The following CRIPT variants were observed in gnomAD, a reference collection of about 807,000 sequenced individuals.
The protein encoded by CRIPT is cysteine-rich PDZ-binding protein.
In CRIPT, 20 loss-of-function variants were observed where a neutral mutation model predicts 16.6. The ratio of observed to expected loss-of-function variants is 1.20; its 90% CI spans 0.85 to 1.75. The LOEUF is 1.75. CRIPT is among the 40% of genes most tolerant of loss of function. The pLI is 0.00. For synonymous variants in CRIPT, 42 were observed against 37.0 expected (o/e 1.14, Z -0.49); for missense variants, 133 against 115.3 (o/e 1.15, Z -0.70).
chr2:46,627,253 C>T lies in CRIPT; in HGVS notation c.*3026C>T, dbSNP rs372720383. Among the ~76,000 whole-genome samples the T allele has an allele frequency of 7.9e-5, 12 of 152,218 alleles. No homozygotes were observed. Among genetic ancestry groups the T allele is most frequent in the African/African-American group, 2.9e-4 (12 of 41,534 alleles). On this transcript the variant is annotated 3_prime_UTR_variant, in exon 5 of 5. Coordinates refer to ENST00000238892, the MANE Select transcript of CRIPT (RefSeq NM_014171.6). ...TCCCATTCTGTAGGTTGTCTGTTTA[C>T]TGTATTGATAGTTCCTTTTGCGGTG...
In CRIPT at chr2:46,629,603, T is replaced by A. The variant is rs908948329; in HGVS notation, c.*5376T>A. Among the ~76,000 whole-genome samples, 6 of 152,162 alleles carry A rather than the reference T, an allele frequency of 3.9e-5. No individual in the cohort carries two copies. The highest frequency in any genetic ancestry group is 1.4e-4 in the African/African-American group (6 of 41,440). ...GATAGAGTATCCTTCTATTTGGGTT[T>A]TTCTGATGTTTCCTCATGGTTAGAT... On this transcript the variant is annotated 3_prime_UTR_variant, in exon 5 of 5. Coordinates refer to ENST00000238892, the MANE Select transcript of CRIPT (RefSeq NM_014171.6).
In CRIPT at chr2:46,625,073, T is replaced by G. The variant is rs966181557; in HGVS notation, c.*846T>G. On this transcript the variant is annotated 3_prime_UTR_variant, in exon 5 of 5. Transcript: ENST00000238892. ...CTCTCCCTTTTTAAAATTTGTTTGT[T>G]TTTTTTTTTTTTTTTTGGATACAAG... The G allele has an allele frequency of 1.4e-5, 2 of 145,214 alleles. No homozygotes were observed. The highest frequency in any genetic ancestry group is 2.6e-5 in the African/African-American group (1 of 39,198). The allele number at this position is 145,214 out of a possible 1,614,324, so 9.0% of individuals were successfully genotyped here. A position where few individuals can be genotyped will look rare whatever the true frequency, so the allele number is the denominator to read the frequency against.
chr2:46,628,652 G>C lies in CRIPT; in HGVS notation c.*4425G>C, dbSNP rs1468332226. 6.6e-6 allele frequency among the ~76,000 whole-genome samples: 1 copy of C among 152,154 alleles called. No homozygotes were observed. Among genetic ancestry groups the C allele is most frequent in the Non-Finnish European group, 1.5e-5 (1 of 68,034 alleles). The stretch of plus-strand genomic sequence containing the variant: ...CCTCCTTCCATGAATGGATCATCCA[G>C]TGGCCGCACTTAGGTTCTCCTATGA... On this transcript the variant is annotated 3_prime_UTR_variant, in exon 5 of 5. Coordinates refer to ENST00000238892, the MANE Select transcript of CRIPT (RefSeq NM_014171.6).
intron 1 of CRIPT, 147 bp from the exon 2 acceptor site, chr2:46,618,626 T>A: frequency 2.1e-6 from 1 of 486,680 alleles, no homozygotes; most frequent in Non-Finnish European, 3.7e-6. Flanking sequence ...TTAATATGAG[T>A]CTCAGTTGAT....
Position 46,625,687 on chromosome 2 carries a change from A to T in CRIPT, c.*1460A>T, listed in dbSNP as rs557951023. The T allele has an allele frequency of 6.6e-6, 1 of 152,154 alleles. No homozygotes were observed. Among genetic ancestry groups the T allele is most frequent in the Non-Finnish European group, 1.5e-5 (1 of 68,024 alleles). 9.4% of individuals were successfully genotyped at this position (152,154 alleles called of 1,614,324 possible). ...CTGAGATACATTGTTATTTATTCAT[A>T]TCCAGAAAAATTACAAGGATAATAC... On this transcript the variant is annotated 3_prime_UTR_variant, in exon 5 of 5. Transcript: ENST00000238892.
chr2:46,621,944 A>G (rs1670814773), intron 3 of CRIPT, among the ~76,000 whole-genome samples: 1 of 152,212 alleles, frequency 6.6e-6, no homozygotes, highest in Non-Finnish European at 1.5e-5. Context: ...CTCTGATATC[A>G]TTAAAAAGTA....
intron 3 of CRIPT, 83 bp downstream of exon 3, chr2:46,619,764 A>G (rs867583297): frequency 2.9e-6 from 3 of 1,049,306 alleles, no homozygotes; most frequent in African/African-American, 1.6e-5. Flanking sequence ...GATGTGCATC[A>G]TTCCATTTGC....
chr2:46,623,092 G>A (rs1299650816), intron 3 of CRIPT, among the ~76,000 whole-genome samples: 1 of 151,992 alleles, frequency 6.6e-6, no homozygotes, highest in Admixed American at 6.6e-5. Flanking sequence ...GATTGAGTCA[G>A]TTAATTAAAA....
rs1419062011 is a variant in CRIPT at position 46,630,036 on chromosome 2, G to T, written c.*5809G>T. Among the ~76,000 whole-genome samples the T allele has an allele frequency of 1.3e-5, 2 of 151,902 alleles. No individual in the cohort carries two copies. Among genetic ancestry groups the T allele is most frequent in the African/African-American group, 2.4e-5 (1 of 41,340 alleles). On this transcript the variant is annotated 3_prime_UTR_variant, in exon 5 of 5. Transcript: ENST00000238892. The stretch of plus-strand genomic sequence containing the variant: ...ACTTCGAGTAAGTACTTTTTTCTGA[G>T]CCATTTGAATATTCCTTACTAGATG...
rs1018373384 is a variant in CRIPT, at chr2:46,629,713, C to G, written c.*5486C>G. Among the ~76,000 whole-genome samples the G allele has an allele frequency of 2.0e-5, 3 of 152,100 alleles. No individual in the cohort carries two copies. The highest frequency in any genetic ancestry group is 2.9e-5 in the Non-Finnish European group (2 of 68,032). On this transcript the variant is annotated 3_prime_UTR_variant, in exon 5 of 5. Transcript: ENST00000238892. ...AGATGCACAGAATGTCCATTTGTCC[C>G]TTATTGGTGATGCTAATTTTGATCA...
chr2:46,623,684 C>A, intron 3 of CRIPT, 80 bp from the exon 4 acceptor site: 1 of 727,320 alleles, frequency 1.4e-6, no homozygotes, highest in South Asian at 1.7e-5. Flanking sequence ...TGGATTAATC[C>A]TGTGTGTTGC....
intron 3 of CRIPT, among the ~76,000 whole-genome samples, chr2:46,621,173 C>T (rs184960376): frequency 6.6e-6 from 1 of 152,234 alleles, no homozygotes; most frequent in East Asian, 1.9e-4. Context: ...GCTTAAAATC[C>T]GCCACTGGTT....
chr2:46,621,329 C>T (rs1670799435), intron 3 of CRIPT, among the ~76,000 whole-genome samples: 1 of 152,192 alleles, frequency 6.6e-6, no homozygotes, highest in South Asian at 2.1e-4. Flanking sequence ...TTCTGCCAAG[C>T]CCACTCCCAT....
intron 3 of CRIPT, among the ~76,000 whole-genome samples, chr2:46,620,521 A>G (rs1558717663): frequency 6.6e-6 from 1 of 151,792 alleles, no homozygotes; most frequent in Non-Finnish European, 1.5e-5. Context: ...GAAGTTTTCC[A>G]AAGTCTTACC....
intron 3 of CRIPT, among the ~76,000 whole-genome samples, chr2:46,622,950 T>C (rs1670847351): frequency 6.6e-6 from 1 of 151,922 alleles, no homozygotes; most frequent in African/African-American, 2.4e-5. Flanking sequence ...CAAAAACTCA[T>C]TTTGTAAAAA....
Position 46,619,696 on chromosome 2 carries a change from C to G in CRIPT, c.137+15C>G. On this transcript the variant is annotated intron_variant, in intron 3 of 4. Transcript: ENST00000238892. ...AAAAAAGCAAGGTGGGTAAGAGGATCCATCGATGGGTCACATAAATTTCCT... is the reference window on the plus strand; with the variant it reads ...AAAAAAGCAAGGTGGGTAAGAGGATGCATCGATGGGTCACATAAATTTCCT... 1 of 1,600,148 alleles carries G rather than the reference C, an allele frequency of 6.2e-7. No homozygotes were observed. Among genetic ancestry groups the G allele is most frequent in the Admixed American group, 1.7e-5 (1 of 58,936 alleles).
chr2:46,617,867 C>A (rs1670703956), intron 1 of CRIPT, among the ~76,000 whole-genome samples: 1 of 152,100 alleles, frequency 6.6e-6, no homozygotes, highest in Middle Eastern at 3.4e-3. Context: ...TATTTGGAAC[C>A]TGGCGTTCAG....
rs542400636 is a variant in CRIPT at position 46,620,035 on chromosome 2, T to C, written c.137+354T>C. 1.4e-4 allele frequency among the ~76,000 whole-genome samples: 21 copies of C among 152,344 alleles called. No individual in the cohort carries two copies. The South Asian group carries it at 3.7e-3, about 27-fold the overall frequency. ...AATCTAGACTCACTGTCTAGCCTTA[T>C]GACCTTAAGCAAGTTAAGCATGTTT... On this transcript the variant is annotated intron_variant, in intron 3 of 4. Coordinates refer to ENST00000238892, the MANE Select transcript of CRIPT (RefSeq NM_014171.6).
Position 46,628,459 on chromosome 2 carries a change from G to A in CRIPT, c.*4232G>A, listed in dbSNP as rs1670996482. Among the ~76,000 whole-genome samples the A allele has an allele frequency of 6.6e-6, 1 of 152,216 alleles. No homozygotes were observed. The highest frequency in any genetic ancestry group is 2.4e-5 in the African/African-American group (1 of 41,450). ...TGATGTTTGTAGTTTGATAGGAATA[G>A]CATTGAATCTGTGGATTGCTTTGGG... On this transcript the variant is annotated 3_prime_UTR_variant, in exon 5 of 5. Coordinates refer to ENST00000238892, the MANE Select transcript of CRIPT (RefSeq NM_014171.6).
Sources: allele counts gnomAD v4.1 joint callset (sites outside exome capture counted in the v4.1 genomes callset), GRCh38; gene constraint gnomAD v4.1.1; transcripts MANE v1.5; gene names NCBI Gene and HGNC (gene_info 2026-07-23, HGNC 2026-07-21).